The following NFX1 variants were observed in gnomAD, a reference collection of about 807,000 sequenced individuals.
NFX1 encodes the protein nuclear transcription factor, X-box binding 1.
A neutral mutation model predicts 137.2 loss-of-function variants in NFX1; 69 were observed. The observed-to-expected ratio is 0.50, with a 90% CI of 0.41 to 0.61. NFX1 has a LOEUF of 0.61. NFX1 is among the 20% of genes least tolerant of loss of function. The probability of loss-of-function intolerance (pLI) is 0.00; values close to 1 mark genes in which losing one functional copy is unlikely to be tolerated. For missense variants in NFX1, 1,167 were observed against 1,391.0 expected, an observed-to-expected ratio of 0.84 and a Z score of 2.56; for synonymous variants, 495 against 474.1, an observed-to-expected ratio of 1.04 and a Z score of -0.57.
intron 6 of NFX1, among the ~76,000 whole-genome samples, chr9:33,312,820 G>C (rs562485201): frequency 6.6e-6 from 1 of 152,178 alleles, no homozygotes; most frequent in African/African-American, 2.4e-5. Flanking sequence ...GCAGTGAGCC[G>C]AGATGGCTCC....
At chr9:33,313,986 AT>A (rs796690417) in intron 7 of NFX1, among the ~76,000 whole-genome samples, 193 bp downstream of exon 7, 5 of 150,184 alleles carry the variant, frequency 3.3e-5, no homozygotes, top group African/African-American at 7.3e-5. Flanking sequence ...GTCCTATATA[AT>A]TTTTTTTTTC....
At chr9:33,355,641 C>CTTTTTTT (rs35866452) in intron 19 of NFX1, among the ~76,000 whole-genome samples, 3 of 92,210 alleles carry the variant, frequency 3.3e-5, no homozygotes, top group Non-Finnish European at 4.3e-5. Flanking sequence ...GTTAAGAATT[C>CTTTTTTT]TTTTTTTTTT....
At chr9:33,349,153 G>A (rs1032526558) in intron 15 of NFX1, among the ~76,000 whole-genome samples, 2 of 152,158 alleles carry the variant, frequency 1.3e-5, no homozygotes, top group Non-Finnish European at 2.9e-5. Context: ...CAGATATCGA[G>A]TATGAGTACC....
chr9:33,325,266 C>G (rs1822538973), intron 9 of NFX1, among the ~76,000 whole-genome samples: 1 of 152,090 alleles, frequency 6.6e-6, no homozygotes, highest in Non-Finnish European at 1.5e-5. Flanking sequence ...TTATCACATA[C>G]AAGGGAACCT....
intron 10 of NFX1, among the ~76,000 whole-genome samples, chr9:33,331,472 A>G (rs1330936364): frequency 6.6e-6 from 1 of 152,086 alleles, no homozygotes; most frequent in African/African-American, 2.4e-5. Flanking sequence ...GTAGATAACC[A>G]CTCCTGCATA....
chr9:33,366,683 CG>C lies in NFX1; in HGVS notation c.3096del (p.Ile1033SerfsTer14). 6.2e-7 allele frequency: 1 copy of C among 1,614,160 alleles called. No homozygotes were observed. The highest frequency in any genetic ancestry group is 8.5e-7 in the Non-Finnish European group (1 of 1,180,038). ...CCCTCCCATGAACAGAGACCACCGCCGGATCATCCATGACTTGGCCCAAGTT... is the reference window on the plus strand; with the variant it reads ...CCCTCCCATGAACAGAGACCACCGCCGATCATCCATGACTTGGCCCAAGTT... Reference protein sequence around the residue: ...SFPPMNRDHRRIIHDLAQVYG... With the variant: ...SFPPMNRDHRXIIHDLAQVYG... On this transcript the variant is annotated frameshift_variant, in exon 22 of 24. Transcript: ENST00000379540. LOFTEE classifies it high-confidence loss of function.
At chr9:33,304,741 C>G (rs1390797141) in intron 4 of NFX1, among the ~76,000 whole-genome samples, 1 of 152,080 alleles carries the variant, frequency 6.6e-6, no homozygotes, top group Non-Finnish European at 1.5e-5. Context: ...TTAATAGATA[C>G]TAAATTGGTA....
intron 15 of NFX1, among the ~76,000 whole-genome samples, chr9:33,350,307 A>T (rs1026907302): frequency 6.6e-6 from 1 of 151,406 alleles, no homozygotes; most frequent in Non-Finnish European, 1.5e-5. Context: ...CCATCTCAAA[A>T]AAAAAAAAAA....
intron 2 of NFX1, among the ~76,000 whole-genome samples, chr9:33,296,203 G>A (rs916217083): frequency 2.6e-5 from 4 of 152,164 alleles, no homozygotes; most frequent in East Asian, 1.9e-4. Context: ...GATTACAGGC[G>A]TGAGCCACTG....
At chr9:33,304,985 T>C (rs1312852504) in intron 4 of NFX1, among the ~76,000 whole-genome samples, 2 of 152,250 alleles carry the variant, frequency 1.3e-5, no homozygotes, top group Admixed American at 6.5e-5. Flanking sequence ...GTCAAGATGA[T>C]CTGAAAGTGG....
intron 19 of NFX1, among the ~76,000 whole-genome samples, chr9:33,360,374 G>T (rs1361480995): frequency 6.6e-6 from 1 of 152,148 alleles, no homozygotes; most frequent in Non-Finnish European, 1.5e-5. Context: ...CAGAGTTGTT[G>T]TGAGGATTAA....
chr9:33,328,074 G>T (rs1431128491), intron 9 of NFX1, among the ~76,000 whole-genome samples: 2 of 152,080 alleles, frequency 1.3e-5, no homozygotes, highest in African/African-American at 4.8e-5. Context: ...TCAGTGGTGC[G>T]ATCACAGTTC....
intron 2 of NFX1, among the ~76,000 whole-genome samples, chr9:33,300,820 G>C (rs558082609): frequency 6.6e-6 from 1 of 152,388 alleles, no homozygotes; most frequent in Non-Finnish European, 1.5e-5. Flanking sequence ...CTCATGGGTT[G>C]TTGGAACCTG....
chr9:33,346,698 G>C (rs1458446076), intron 14 of NFX1, among the ~76,000 whole-genome samples: 4 of 152,224 alleles, frequency 2.6e-5, no homozygotes, highest in Admixed American at 6.5e-5. Context: ...CTGAGCAGAA[G>C]TGAGCAGTTG....
chr9:33,359,295 G>A (rs1286935900), intron 19 of NFX1, among the ~76,000 whole-genome samples: 1 of 151,588 alleles, frequency 6.6e-6, no homozygotes, highest in Non-Finnish European at 1.5e-5. Flanking sequence ...TGAATGGAGG[G>A]TGGTAATAAT....
At position 33,358,209 on chromosome 9, in the gene NFX1, C is replaced by G. The variant is rs148263704; in HGVS notation, c.2873+3317C>G. Among the ~76,000 whole-genome samples the G allele has an allele frequency of 6.1e-3, 929 of 151,780 alleles. 15 individuals carry two copies. Among genetic ancestry groups the G allele is most frequent in the African/African-American group, 0.021 (863 of 41,326 alleles). On this transcript the variant is annotated intron_variant, in intron 19 of 23. Transcript: ENST00000379540. ...GTGTGATCTCGGCTCACTGCAAGCT[C>G]CACCTCCCGGGTTCACGCCATTCTC...
At chr9:33,303,345 G>C in intron 4 of NFX1, 77 bp downstream of exon 4, 1 of 1,259,072 alleles carries the variant, frequency 7.9e-7, no homozygotes, top group Non-Finnish European at 1.2e-6. Flanking sequence ...GGTCTGCGGG[G>C]CATGTTTTAG....
chr9:33,367,537 A>G lies in NFX1; in HGVS notation c.3208A>G (p.Thr1070Ala). The change falls in exon 23 of 24, where the codon ACC (threonine) becomes GCC (alanine). Residue 1070 changes from threonine to alanine, a missense_variant. Thr to Ala is a moderately conservative substitution (Grantham distance 58, BLOSUM62 0). Around this residue, in one of 3 missense-constraint regions of NFX1, gnomAD observed 312 missense variants for 312.8 expected, o/e 1.00. Transcript: ENST00000379540. ...CAGGGGGAAGTCCGTTTGTCCTCCT[A>G]CCACGCTGACAGGTGTGCTTGAAAG... ...AIRGKSVCPP[T>A]TLTGVLEREM... 6.2e-7 allele frequency: 1 copy of G among 1,613,856 alleles called. No homozygotes were observed. The highest frequency in any genetic ancestry group is 2.2e-5 in the East Asian group (1 of 44,874).
chr9:33,328,193 CTT>C (rs35183496), intron 9 of NFX1, among the ~76,000 whole-genome samples: 5 of 140,110 alleles, frequency 3.6e-5, no homozygotes, highest in African/African-American at 5.2e-5. Context: ...TGTTTTTGTG[CTT>C]TTTTTTTTTT....
Sources: gnomAD v4.1 joint callset for allele counts (sites outside exome capture counted in the v4.1 genomes callset) on GRCh38, gnomAD v4.1.1 for gene constraint, gnomAD v4.1.1 regional missense constraint, MANE v1.5 for transcripts, NCBI Gene and HGNC (gene_info 2026-07-23, HGNC 2026-07-21) for gene names.